The following HS6ST1 variants were observed in gnomAD, a reference collection of about 807,000 sequenced individuals.
HS6ST1 encodes heparan-sulfate 6-O-sulfotransferase 1.
HS6ST1 carries 3 observed loss-of-function variants against 25.2 expected under a neutral mutation model. The observed-to-expected ratio is 0.12, with a 90% confidence interval of 0.05 to 0.31. The LOEUF (loss-of-function observed/expected upper bound fraction) is 0.31, where lower values mean the gene tolerates loss of function less well. HS6ST1 is among the 10% of genes least tolerant of loss of function. The pLI, the probability that HS6ST1 is intolerant of heterozygous loss-of-function variation, is 1.00. For synonymous variants in HS6ST1, 204 were observed against 275.1 expected (o/e 0.74, Z 2.56); for missense variants, 310 against 609.6 (o/e 0.51, Z 5.18).
intron 1 of HS6ST1, among the ~76,000 whole-genome samples, chr2:128,270,536 C>A (rs1389626222): frequency 6.6e-6 from 1 of 152,180 alleles, no homozygotes; most frequent in East Asian, 1.9e-4. Flanking sequence ...GTGAGACAAA[C>A]GTTTTAGAAA....
At position 128,288,763 on chromosome 2, in the gene HS6ST1, C is replaced by T. The variant is rs534165421; in HGVS notation, c.528-19893G>A. 2.5e-4 allele frequency among the ~76,000 whole-genome samples: 38 copies of T among 152,210 alleles called. 1 individual carries two copies. In the East Asian group the frequency reaches 7.4e-3, roughly 30 times the overall value. On this transcript the variant is annotated intron_variant, in intron 1 of 1. Transcript: ENST00000259241. ...CAGGGAGGCCTGGGAGGCTCAGGGC[C>T]TCCCCAGCAGCCTCTCAGGACATCT...
At chr2:128,313,001 T>G (rs1402931720) in intron 1 of HS6ST1, among the ~76,000 whole-genome samples, 4 of 152,024 alleles carry the variant, frequency 2.6e-5, no homozygotes, top group African/African-American at 9.7e-5. Flanking sequence ...AGGCAGAGGT[T>G]GCAGTGAGCT....
At chr2:128,307,257 TG>T (rs1375234962) in intron 1 of HS6ST1, among the ~76,000 whole-genome samples, 1 of 152,100 alleles carries the variant, frequency 6.6e-6, no homozygotes, top group Non-Finnish European at 1.5e-5. Context: ...GGGAAGGCCC[TG>T]GGGGGTGCAC....
chr2:128,299,974 T>C (rs1175661425), intron 1 of HS6ST1, among the ~76,000 whole-genome samples: 1 of 152,092 alleles, frequency 6.6e-6, no homozygotes, highest in African/African-American at 2.4e-5. Context: ...GCCGGGGTCT[T>C]GCCAGCCGCT....
intron 1 of HS6ST1, among the ~76,000 whole-genome samples, chr2:128,310,662 G>A (rs1170047487): frequency 2.0e-5 from 3 of 152,130 alleles, no homozygotes; most frequent in Non-Finnish European, 4.4e-5. Flanking sequence ...CCCACCTGTG[G>A]ATCCTAAATG....
chr2:128,266,029 G>A lies in HS6ST1; in HGVS notation c.*2133C>T, dbSNP rs1285160578. ...GCTTTCCAAATGCAGCGAAGAGACTGAGACAAGACCCGTGCTTCCGTGTGA... is the reference window on the plus strand; with the variant it reads ...GCTTTCCAAATGCAGCGAAGAGACTAAGACAAGACCCGTGCTTCCGTGTGA... On this transcript the variant is annotated 3_prime_UTR_variant, in exon 2 of 2. Coordinates refer to ENST00000259241, the MANE Select transcript of HS6ST1 (RefSeq NM_004807.3). The A allele has an allele frequency of 6.6e-6, 1 of 151,642 alleles. No individual in the cohort carries two copies. Among genetic ancestry groups the A allele is most frequent in the Non-Finnish European group, 1.5e-5 (1 of 67,898 alleles). 9.4% of individuals were successfully genotyped at this position (151,642 alleles called of 1,614,324 possible).
intron 1 of HS6ST1, among the ~76,000 whole-genome samples, chr2:128,304,937 C>T (rs1694186576): frequency 6.6e-6 from 1 of 152,324 alleles, no homozygotes; most frequent in African/African-American, 2.4e-5. Context: ...GGCTCTGTGG[C>T]AACCCATGGA....
chr2:128,293,969 T>C (rs538090445), intron 1 of HS6ST1, among the ~76,000 whole-genome samples: 2 of 152,254 alleles, frequency 1.3e-5, no homozygotes, highest in South Asian at 2.1e-4. Flanking sequence ...TGGGGGTCCA[T>C]GCTGAGACCA....
chr2:128,312,270 C>T (rs1170346747), intron 1 of HS6ST1, among the ~76,000 whole-genome samples: 2 of 152,254 alleles, frequency 1.3e-5, no homozygotes, highest in Non-Finnish European at 2.9e-5. Flanking sequence ...CACATGCTAG[C>T]TCCTGGCCCT....
intron 1 of HS6ST1, among the ~76,000 whole-genome samples, chr2:128,295,747 C>T (rs1334641228): frequency 6.6e-6 from 1 of 152,044 alleles, no homozygotes; most frequent in Admixed American, 6.6e-5. Flanking sequence ...GCCACATTAA[C>T]AGAATGAAGG....
At chr2:128,316,099 C>T (rs969634807) in intron 1 of HS6ST1, among the ~76,000 whole-genome samples, 9 of 152,240 alleles carry the variant, frequency 5.9e-5, no homozygotes, top group African/African-American at 1.4e-4. Flanking sequence ...CAGGGGGAGC[C>T]GGGCCTTCCT....
chr2:128,299,152 C>T (rs983503406), intron 1 of HS6ST1, among the ~76,000 whole-genome samples: 2 of 152,256 alleles, frequency 1.3e-5, no homozygotes, highest in Non-Finnish European at 2.9e-5. Context: ...AGGGACAGAG[C>T]AGGCTTCGCA....
chr2:128,315,421 T>G (rs551537795), intron 1 of HS6ST1, among the ~76,000 whole-genome samples: 212 of 151,698 alleles, frequency 1.4e-3, no homozygotes, highest in Non-Finnish European at 2.8e-3. Context: ...CAGCAGGGAA[T>G]GGGAGGGGCT....
intron 1 of HS6ST1, among the ~76,000 whole-genome samples, chr2:128,296,602 C>A (rs925254408): frequency 6.6e-5 from 10 of 152,142 alleles, no homozygotes; most frequent in African/African-American, 2.2e-4. Context: ...ATTAACAAAA[C>A]AATTATGTTT....
chr2:128,286,613 A>G (rs143228755), intron 1 of HS6ST1, among the ~76,000 whole-genome samples: 1 of 152,340 alleles, frequency 6.6e-6, no homozygotes, highest in East Asian at 1.9e-4. Flanking sequence ...AGGACAGGAC[A>G]CTGCTATTAA....
chr2:128,283,189 G>A (rs144233039), intron 1 of HS6ST1, among the ~76,000 whole-genome samples: 3,049 of 152,320 alleles, frequency 0.02, 44 homozygotes, highest in Non-Finnish European at 0.029. Flanking sequence ...CAGTGCTGGG[G>A]CAGTGTCCCC....
chr2:128,298,474 G>T (rs765138371), intron 1 of HS6ST1, among the ~76,000 whole-genome samples: 5 of 152,180 alleles, frequency 3.3e-5, no homozygotes, highest in Non-Finnish European at 7.3e-5. Flanking sequence ...AGACGATGGA[G>T]TATTACTCAG....
At chr2:128,294,001 C>T (rs1266136172) in intron 1 of HS6ST1, among the ~76,000 whole-genome samples, 2 of 152,186 alleles carry the variant, frequency 1.3e-5, no homozygotes, top group Non-Finnish European at 2.9e-5. Context: ...CACAGGGGCA[C>T]CATGTGGGTC....
chr2:128,288,399 G>T (rs967201194), intron 1 of HS6ST1, among the ~76,000 whole-genome samples: 1 of 152,200 alleles, frequency 6.6e-6, no homozygotes, highest in Non-Finnish European at 1.5e-5. Flanking sequence ...CAGCCAGCAC[G>T]ACTTGATACC....
Sources: gnomAD v4.1 joint callset for allele counts (sites outside exome capture counted in the v4.1 genomes callset) on GRCh38, gnomAD v4.1.1 for gene constraint, MANE v1.5 for transcripts, NCBI Gene and HGNC (gene_info 2026-07-23, HGNC 2026-07-21) for gene names.